Variants in DIAPH2 observed in about 807,000 individuals in gnomAD.
DIAPH2 encodes the protein protein diaphanous homolog 2.
A neutral mutation model predicts 92.7 loss-of-function variants in DIAPH2; 35 were observed. The ratio of observed to expected loss-of-function variants is 0.38; its 90% CI spans 0.29 to 0.50. DIAPH2 has a LOEUF of 0.50. DIAPH2 is among the 20% of genes least tolerant of loss of function. DIAPH2 has a pLI of 0.94. For missense variants in DIAPH2, 701 were observed against 819.5 expected, an observed-to-expected ratio of 0.86 and a Z score of 1.77; for synonymous variants, 301 against 280.4, an observed-to-expected ratio of 1.07 and a Z score of -0.73.
chrX:97,592,533 G>A (rs2071524518), intron 26 of DIAPH2, among the ~76,000 whole-genome samples: 1 of 111,962 alleles, frequency 8.9e-6, no homozygotes, highest in South Asian at 3.7e-4. Context: ...TTAAGAAAAG[G>A]AAAGGCGTTC....
At chrX:96,878,779 C>T (rs1427409046) in intron 4 of DIAPH2, among the ~76,000 whole-genome samples, 2 of 111,734 alleles carry the variant, frequency 1.8e-5, no homozygotes, top group African/African-American at 3.3e-5. Context: ...GTAGATTATT[C>T]TGTGTCCATG....
chrX:96,919,635 G>A (rs1312447669), intron 9 of DIAPH2, among the ~76,000 whole-genome samples: 2 of 111,217 alleles, frequency 1.8e-5, no homozygotes, highest in Admixed American at 9.6e-5. Flanking sequence ...GTATTATGAA[G>A]TATTTTTTGT....
intron 23 of DIAPH2, among the ~76,000 whole-genome samples, chrX:97,265,828 A>G (rs776512489): frequency 1.2e-4 from 13 of 112,031 alleles, no homozygotes; most frequent in African/African-American, 4.2e-4. Flanking sequence ...CCAAGTGTTC[A>G]GTAAATATTA....
intron 1 of DIAPH2, among the ~76,000 whole-genome samples, chrX:96,693,805 C>T (rs1039665486): frequency 2.1e-4 from 24 of 112,567 alleles, no homozygotes; most frequent in African/African-American, 6.4e-4. Context: ...GAGGCTGAGG[C>T]GGGTGGATCA....
intron 26 of DIAPH2, among the ~76,000 whole-genome samples, chrX:97,523,490 G>A (rs1327505817): frequency 8.9e-6 from 1 of 111,761 alleles, no homozygotes; most frequent in Non-Finnish European, 1.9e-5. Context: ...ATCAGCCAAA[G>A]GATGCCAGTA....
chrX:97,493,089 G>C (rs1357612725), intron 26 of DIAPH2, among the ~76,000 whole-genome samples: 1 of 111,779 alleles, frequency 8.9e-6, no homozygotes, highest in African/African-American at 3.2e-5. Context: ...ATCATTCTTT[G>C]CTTTTTGCTC....
At chrX:97,059,983 T>G (rs368283721) in intron 17 of DIAPH2, among the ~76,000 whole-genome samples, 1 of 112,631 alleles carries the variant, frequency 8.9e-6, no homozygotes, top group East Asian at 2.8e-4. Context: ...TTTAGTAAAA[T>G]TTTCCATTAA....
intron 23 of DIAPH2, among the ~76,000 whole-genome samples, chrX:97,276,171 G>T (rs989146346): frequency 5.4e-5 from 6 of 110,766 alleles, no homozygotes; most frequent in African/African-American, 2.0e-4. Flanking sequence ...CAGGCACTCG[G>T]CAGGCTGAGG....
intron 25 of DIAPH2, among the ~76,000 whole-genome samples, chrX:97,426,388 A>G (rs1421952578): frequency 1.8e-5 from 2 of 108,977 alleles, no homozygotes; most frequent in Non-Finnish European, 3.8e-5. Context: ...TCCCAGGTTC[A>G]AGCAATTCTC....
At chrX:96,808,202 A>AT (rs2064645069) in intron 4 of DIAPH2, among the ~76,000 whole-genome samples, 1 of 109,557 alleles carries the variant, frequency 9.1e-6, no homozygotes, top group African/African-American at 3.3e-5. Context: ...AATAGTGCTG[A>AT]TTTAACAAAT....
At chrX:97,383,875 A>G in intron 24 of DIAPH2, 34 bp from the exon 25 acceptor site, 1 of 1,123,827 alleles carries the variant, frequency 8.9e-7, no homozygotes, top group Non-Finnish European at 1.2e-6. Flanking sequence ...TAAGTAATGG[A>G]AAGGTTTCCA....
chrX:96,875,597 T>C (rs973301189), intron 4 of DIAPH2, among the ~76,000 whole-genome samples: 1 of 111,355 alleles, frequency 9.0e-6, no homozygotes, highest in Non-Finnish European at 1.9e-5. Context: ...ATTATTTTCA[T>C]CCTCTGAAAA....
At chrX:97,141,586 A>G in intron 21 of DIAPH2, 79 bp from the exon 22 acceptor site, 5 of 1,015,457 alleles carry the variant, frequency 4.9e-6, no homozygotes. Flanking sequence ...AATGGGTTAT[A>G]ATAAATTCAT....
intron 17 of DIAPH2, among the ~76,000 whole-genome samples, chrX:97,022,990 A>G (rs2066308167): frequency 1.8e-5 from 2 of 111,719 alleles, no homozygotes; most frequent in South Asian, 7.5e-4. Context: ...TCAAGGCTTC[A>G]GTGAGCTATG....
chrX:97,538,496 G>A (rs1464232885), intron 26 of DIAPH2, among the ~76,000 whole-genome samples: 1 of 111,490 alleles, frequency 9.0e-6, no homozygotes, highest in African/African-American at 3.3e-5. Flanking sequence ...AGAAATGAAA[G>A]ATACAGGATT....
intron 17 of DIAPH2, among the ~76,000 whole-genome samples, chrX:97,046,503 G>C (rs1403523573): frequency 1.8e-5 from 2 of 111,728 alleles, no homozygotes; most frequent in Non-Finnish European, 3.8e-5. Flanking sequence ...AGTATGGATT[G>C]ATGTGAAGTG....
At chrX:96,818,134 A>G (rs5950025) in intron 4 of DIAPH2, among the ~76,000 whole-genome samples, 5,306 of 37,914 alleles carry the variant, frequency 0.14, 1,108 homozygotes, top group African/African-American at 0.46. Context: ...GCCCGCCAAA[A>G]CGCCCGGCTA....
chrX:97,330,880 T>C (rs1394401656), intron 23 of DIAPH2, among the ~76,000 whole-genome samples: 2 of 112,016 alleles, frequency 1.8e-5, no homozygotes, highest in African/African-American at 6.5e-5. Flanking sequence ...TTTTCTTTAT[T>C]CCTTGAAGGA....
At chrX:97,084,845 A>C (rs939432760) in intron 19 of DIAPH2, among the ~76,000 whole-genome samples, 4 of 111,752 alleles carry the variant, frequency 3.6e-5, no homozygotes, top group African/African-American at 1.3e-4. Flanking sequence ...AAAACCTTTT[A>C]ATATTTATAC....
Sources: gnomAD v4.1 joint callset for allele counts (sites outside exome capture counted in the v4.1 genomes callset) on GRCh38, gnomAD v4.1.1 for gene constraint, MANE v1.5 for transcripts, NCBI Gene and HGNC (gene_info 2026-07-23, HGNC 2026-07-21) for gene names.